Variants in NRXN3 observed in about 807,000 individuals in gnomAD.
NRXN3 encodes the protein neurexin III.
Under a neutral mutation model 137.6 loss-of-function variants are expected in NRXN3, and 32 were observed. The observed-to-expected ratio is 0.23, with a 90% CI of 0.18 to 0.31. The LOEUF (loss-of-function observed/expected upper bound fraction) is 0.31. NRXN3 is among the 10% of genes least tolerant of loss of function. The pLI is 1.00. For missense variants in NRXN3, 1,574 were observed against 2,062.5 expected (o/e 0.76, Z 4.59); for synonymous variants, 798 against 784.5 (o/e 1.02, Z -0.29).
At chr14:79,751,835 G>A (rs1273690330) in intron 19 of NRXN3, among the ~76,000 whole-genome samples, 5 of 151,980 alleles carry the variant, frequency 3.3e-5, no homozygotes, top group African/African-American at 7.2e-5. Context: ...ATAATCATGT[G>A]GTTTTTGTCT....
chr14:78,627,148 T>TA (rs1396415734), intron 4 of NRXN3, among the ~76,000 whole-genome samples: 1 of 133,490 alleles, frequency 7.5e-6, no homozygotes, highest in African/African-American at 3.0e-5. Context: ...CTCTCTCATT[T>TA]TTATTAGACT....
Position 78,434,418 on chromosome 14 carries a change from A to C in NRXN3, c.757+136558A>C, listed in dbSNP as rs559912824. 2.6e-5 allele frequency among the ~76,000 whole-genome samples: 4 copies of C among 152,276 alleles called. No homozygotes were observed. In the South Asian group the frequency reaches 8.3e-4, roughly 32 times the overall value. On this transcript the variant is annotated intron_variant, in intron 4 of 20. Coordinates refer to ENST00000335750, the MANE Select transcript of NRXN3 (RefSeq NM_001330195.2). ...CAGGACATCTAGTCATATTGGATTT[A>C]GGCCAACCCTAATGACCCCATCATA...
chr14:78,347,963 G>A (rs939542305), intron 4 of NRXN3, among the ~76,000 whole-genome samples: 1 of 152,176 alleles, frequency 6.6e-6, no homozygotes, highest in Non-Finnish European at 1.5e-5. Flanking sequence ...AGGATGCTAT[G>A]TGGTTTCCAT....
chr14:78,783,172 A>G (rs950651332), intron 8 of NRXN3, among the ~76,000 whole-genome samples: 27 of 152,218 alleles, frequency 1.8e-4, no homozygotes, highest in African/African-American at 6.3e-4. Context: ...GACTTTATCA[A>G]ATAAGCAGGA....
intron 14 of NRXN3, among the ~76,000 whole-genome samples, chr14:78,969,344 C>G (rs2099429708): frequency 1.3e-5 from 2 of 152,178 alleles, no homozygotes; most frequent in African/African-American, 4.8e-5. Context: ...ATTCAGCCTT[C>G]CCTAGTAGTC....
chr14:79,416,517 A>G (rs1447754145), intron 15 of NRXN3, among the ~76,000 whole-genome samples: 1 of 152,120 alleles, frequency 6.6e-6, no homozygotes, highest in East Asian at 1.9e-4. Context: ...GGCAGATGAC[A>G]TTTTCCTGAG....
intron 15 of NRXN3, among the ~76,000 whole-genome samples, chr14:79,368,737 C>G (rs2093986601): frequency 6.6e-6 from 1 of 152,174 alleles, no homozygotes; most frequent in Non-Finnish European, 1.5e-5. Flanking sequence ...AACTTCCCAC[C>G]TAGACATCAG....
At chr14:78,568,149 C>T (rs542391550) in intron 4 of NRXN3, among the ~76,000 whole-genome samples, 3 of 152,070 alleles carry the variant, frequency 2.0e-5, no homozygotes, top group South Asian at 2.1e-4. Flanking sequence ...TCTTCAGTGC[C>T]GAATGTCTGT....
chr14:78,282,124 T>C, intron 3 of NRXN3: 1 of 502,566 alleles, frequency 2.0e-6, no homozygotes, highest in Non-Finnish European at 4.0e-6. Flanking sequence ...TGTTACCCAT[T>C]TGTGGCCTGG....
chr14:79,813,100 T>A (rs1001133703), intron 20 of NRXN3, among the ~76,000 whole-genome samples: 3 of 152,150 alleles, frequency 2.0e-5, no homozygotes, highest in African/African-American at 7.2e-5. Context: ...AACCAGAGAT[T>A]AACAGCCCCT....
chr14:79,146,674 C>T (rs1023846972), intron 15 of NRXN3, among the ~76,000 whole-genome samples: 4 of 152,092 alleles, frequency 2.6e-5, no homozygotes, highest in African/African-American at 7.2e-5. Context: ...CCAGGTAAAC[C>T]AAGGCCGCAG....
chr14:79,769,927 A>G (rs2139727084), intron 19 of NRXN3, among the ~76,000 whole-genome samples: 1 of 152,292 alleles, frequency 6.6e-6, no homozygotes, highest in South Asian at 2.1e-4. Context: ...GGATGGAGGA[A>G]GATCTACCAA....
intron 15 of NRXN3, among the ~76,000 whole-genome samples, chr14:79,158,084 T>A (rs2060421107): frequency 6.6e-6 from 1 of 151,792 alleles, no homozygotes; most frequent in Admixed American, 6.6e-5. Flanking sequence ...TTTCCTGACA[T>A]GGCCTTGTAT....
intron 19 of NRXN3, among the ~76,000 whole-genome samples, chr14:79,719,840 A>C (rs1256694049): frequency 6.6e-6 from 1 of 152,154 alleles, no homozygotes; most frequent in African/African-American, 2.4e-5. Flanking sequence ...TATAAAATGA[A>C]GATAATATGA....
chr14:78,612,937 G>T (rs180891196), intron 4 of NRXN3, among the ~76,000 whole-genome samples: 15 of 152,302 alleles, frequency 9.8e-5, no homozygotes, highest in Admixed American at 7.2e-4. Flanking sequence ...TCCCTGTATA[G>T]TTATTTCCCG....
chr14:78,238,096 G>C (rs1187916235), intron 1 of NRXN3, among the ~76,000 whole-genome samples: 1 of 151,974 alleles, frequency 6.6e-6, no homozygotes, highest in Non-Finnish European at 1.5e-5. Flanking sequence ...GATCTTCTGA[G>C]CCACACCTTG....
chr14:78,955,787 C>A (rs1419117693), intron 10 of NRXN3, among the ~76,000 whole-genome samples: 2 of 152,152 alleles, frequency 1.3e-5, no homozygotes, highest in African/African-American at 4.8e-5. Flanking sequence ...AATAGGAATA[C>A]TAATTACTCA....
chr14:79,356,623 G>T (rs1020821136), intron 15 of NRXN3, among the ~76,000 whole-genome samples: 1 of 152,148 alleles, frequency 6.6e-6, no homozygotes, highest in Non-Finnish European at 1.5e-5. Context: ...AGCAGTTTCT[G>T]GTTGTTGGGT....
At chr14:78,802,593 A>C (rs1485157887) in intron 8 of NRXN3, among the ~76,000 whole-genome samples, 4 of 152,202 alleles carry the variant, frequency 2.6e-5, no homozygotes, top group Non-Finnish European at 4.4e-5. Flanking sequence ...ATCACACTAT[A>C]GTGTTAATCG....
Sources: allele counts gnomAD v4.1 joint callset (sites outside exome capture counted in the v4.1 genomes callset), GRCh38; gene constraint gnomAD v4.1.1; transcripts MANE v1.5; gene names NCBI Gene and HGNC (gene_info 2026-07-23, HGNC 2026-07-21).